The following LARGE1 variants were observed in gnomAD, a reference collection of about 807,000 sequenced individuals.
LARGE1 encodes the protein xylosyl- and glucuronyltransferase LARGE1.
LARGE1 carries 43 observed loss-of-function variants against 87.6 expected under a neutral mutation model. The ratio of observed to expected loss-of-function variants is 0.49; its 90% CI spans 0.38 to 0.63. The LOEUF (loss-of-function observed/expected upper bound fraction) is 0.63, where lower values mean the gene tolerates loss of function less well. LARGE1 is among the 30% of genes least tolerant of loss of function. The pLI is 0.00. For synonymous variants in LARGE1, 434 were observed against 394.6 expected, an observed-to-expected ratio of 1.10 and a Z score of -1.18; for missense variants, 802 against 1,000.2, an observed-to-expected ratio of 0.80 and a Z score of 2.67.
At position 33,876,726 on chromosome 22, in the gene LARGE1, C is replaced by T. The variant is rs1209776382; in HGVS notation, c.-83+43269G>A. 7.2e-5 allele frequency among the ~76,000 whole-genome samples: 11 copies of T among 151,844 alleles called. 1 individual carries two copies. The highest frequency in any genetic ancestry group is 1.9e-4 in the African/African-American group (8 of 41,370). On this transcript the variant is annotated intron_variant, in intron 1 of 14. Coordinates refer to ENST00000397394, the MANE Select transcript of LARGE1 (RefSeq NM_133642.5). ...CATGCAGGGCTTAACACCTAGATGA[C>T]GGGTCGACAGGTGCAGGAAACCACC...
At chr22:33,536,447 G>T (rs5754595) in intron 6 of LARGE1, among the ~76,000 whole-genome samples, 1 of 152,198 alleles carries the variant, frequency 6.6e-6, no homozygotes, top group South Asian at 2.1e-4. Context: ...AAGGCTTAAC[G>T]TGCTGAGCAC....
chr22:33,254,438 G>A (rs1927158912), intron 11 of LARGE1, among the ~76,000 whole-genome samples: 1 of 152,208 alleles, frequency 6.6e-6, no homozygotes, highest in Admixed American at 6.5e-5. Context: ...GAGTTCCATT[G>A]TCAGATATGG....
intron 1 of LARGE1, among the ~76,000 whole-genome samples, chr22:33,826,583 C>T (rs1041837153): frequency 5.9e-5 from 9 of 151,980 alleles, no homozygotes; most frequent in African/African-American, 9.7e-5. Context: ...CGTTGTGATC[C>T]GCCCGCCTCG....
chr22:33,067,055 C>A, the LARGE1 span, among the ~76,000 whole-genome samples: 1 of 151,924 alleles, frequency 6.6e-6, no homozygotes, highest in African/African-American at 2.4e-5. Context: ...TTCCTTGTCA[C>A]CTTCTGCTTG....
intron 1 of LARGE1, among the ~76,000 whole-genome samples, chr22:33,885,768 C>T (rs555732646): frequency 6.6e-6 from 1 of 152,296 alleles, no homozygotes; most frequent in South Asian, 2.1e-4. Flanking sequence ...TGGTGACTCA[C>T]ACCTGTAATC....
At chr22:33,602,853 C>A (rs958062843) in intron 5 of LARGE1, among the ~76,000 whole-genome samples, 1 of 152,126 alleles carries the variant, frequency 6.6e-6, no homozygotes, top group African/African-American at 2.4e-5. Context: ...TGCAGGCTCA[C>A]AGGGGACATG....
chr22:33,077,354 T>C, the LARGE1 span, among the ~76,000 whole-genome samples: 1 of 152,312 alleles, frequency 6.6e-6, no homozygotes, highest in African/African-American at 2.4e-5. Context: ...CAGAGTCATA[T>C]AGTACTTTTG....
chr22:33,250,860 T>C (rs557053623), intron 11 of LARGE1, among the ~76,000 whole-genome samples: 3 of 152,352 alleles, frequency 2.0e-5, no homozygotes, highest in Admixed American at 1.3e-4. Context: ...TACTTGATGG[T>C]GTACAATTCT....
At chr22:33,472,678 A>T (rs1429952742) in intron 6 of LARGE1, among the ~76,000 whole-genome samples, 1 of 152,222 alleles carries the variant, frequency 6.6e-6, no homozygotes, top group Non-Finnish European at 1.5e-5. Context: ...GTCAATAAGC[A>T]GCTATGTATA....
At chr22:33,849,805 T>C (rs1711968077) in intron 1 of LARGE1, among the ~76,000 whole-genome samples, 1 of 152,102 alleles carries the variant, frequency 6.6e-6, no homozygotes. Context: ...TTCACCGTGT[T>C]GGCCAGGCTG....
chr22:33,739,610 G>A (rs2083800328), intron 2 of LARGE1, among the ~76,000 whole-genome samples: 1 of 152,194 alleles, frequency 6.6e-6, no homozygotes, highest in South Asian at 2.1e-4. Context: ...AAGGGAGGGA[G>A]TCAGAGAAGT....
chr22:33,527,390 G>A (rs531016838), intron 6 of LARGE1, among the ~76,000 whole-genome samples: 218 of 152,334 alleles, frequency 1.4e-3, no homozygotes, highest in Middle Eastern at 3.4e-3. Flanking sequence ...GCATTACCAC[G>A]TGGAAGGAGC....
downstream of LARGE1, among the ~76,000 whole-genome samples, chr22:33,270,762 G>C (rs559477011): frequency 6.6e-6 from 1 of 152,304 alleles, no homozygotes; most frequent in South Asian, 2.1e-4. Context: ...TTAACTCAAA[G>C]ACAGTAGAGT....
chr22:33,311,701 T>C (rs1280553649), intron 11 of LARGE1, among the ~76,000 whole-genome samples: 1 of 152,204 alleles, frequency 6.6e-6, no homozygotes, highest in Non-Finnish European at 1.5e-5. Context: ...TTTTCTTTTC[T>C]ACTACATCAC....
intron 6 of LARGE1, among the ~76,000 whole-genome samples, chr22:33,522,930 C>T (rs529345185): frequency 6.6e-6 from 1 of 152,114 alleles, no homozygotes; most frequent in South Asian, 2.1e-4. Flanking sequence ...ATGGCTTGAG[C>T]CCGGGAGGTA....
intron 2 of LARGE1, among the ~76,000 whole-genome samples, chr22:33,717,178 C>T (rs1663573883): frequency 6.6e-6 from 1 of 152,112 alleles, no homozygotes; most frequent in Non-Finnish European, 1.5e-5. Context: ...TTCACTCATT[C>T]ATCCACCCAC....
intron 13 of LARGE1, among the ~76,000 whole-genome samples, chr22:33,279,638 T>G (rs1206502961): frequency 6.6e-6 from 1 of 152,146 alleles, no homozygotes; most frequent in Non-Finnish European, 1.5e-5. Flanking sequence ...CACAGCAACT[T>G]CCATCAAAAC....
At chr22:33,765,268 C>A (rs1428762690) in intron 1 of LARGE1, among the ~76,000 whole-genome samples, 1 of 152,170 alleles carries the variant, frequency 6.6e-6, no homozygotes, top group East Asian at 1.9e-4. Flanking sequence ...ATCCTAAGAA[C>A]TCTTGCCAGA....
chr22:33,188,055 G>A (rs995041363), intron 11 of LARGE1, among the ~76,000 whole-genome samples: 2 of 147,832 alleles, frequency 1.4e-5, no homozygotes, highest in Non-Finnish European at 3.0e-5. Flanking sequence ...ATTCCACAAC[G>A]TATGCATATT....
Sources: gnomAD v4.1 joint callset for allele counts (sites outside exome capture counted in the v4.1 genomes callset) on GRCh38, gnomAD v4.1.1 for gene constraint, MANE v1.5 for transcripts, NCBI Gene and HGNC (gene_info 2026-07-23, HGNC 2026-07-21) for gene names.